LNX1: variants seen among roughly 807,000 people sequenced by gnomAD.
The protein encoded by LNX1 is ligand of numb-protein X 1.
A neutral mutation model predicts 68.4 loss-of-function variants in LNX1; 54 were observed. That is an observed-to-expected ratio of 0.79 (90% confidence interval 0.63 to 0.99). The LOEUF is 0.99. Among genes scored for constraint, LNX1 ranks in the 50% least tolerant of loss-of-function variants. The probability of loss-of-function intolerance (pLI) is 0.00; values close to 1 mark genes in which losing one functional copy is unlikely to be tolerated. For synonymous variants in LNX1, 336 were observed against 350.0 expected (o/e 0.96, Z 0.45); for missense variants, 906 against 926.4 (o/e 0.98, Z 0.29).
chr4:53,574,090 TA>T lies in LNX1; in HGVS notation c.-86-3del. On this transcript the variant is annotated splice_polypyrimidine_tract_variant and splice_region_variant and intron_variant, in intron 1 of 10. Transcript: ENST00000263925. ...AAGATCTAGGAGACATCCACACACC[TA>T]AAAAAGAACAAGAAGGCTCACCTTT... 1.3e-6 allele frequency: 2 copies of T among 1,496,136 alleles called. No homozygotes were observed. The highest frequency in any genetic ancestry group is 1.4e-5 in the African/African-American group (1 of 71,608). 92.7% of individuals were successfully genotyped at this position (1,496,136 alleles called of 1,614,324 possible).
chr4:53,529,130 CACACAA>C (rs1199153832), intron 2 of LNX1, among the ~76,000 whole-genome samples: 6 of 151,806 alleles, frequency 4.0e-5, no homozygotes, highest in Non-Finnish European at 2.9e-5. Flanking sequence ...CACACACACA[CACACAA>C]ACACATGCAC....
At chr4:53,550,599 G>A (rs1202152005) in intron 2 of LNX1, among the ~76,000 whole-genome samples, 2 of 152,202 alleles carry the variant, frequency 1.3e-5, no homozygotes, top group Non-Finnish European at 2.9e-5. Context: ...AAAATGAAGT[G>A]GGGAGGAAAT....
At position 53,598,501 on chromosome 4, in the gene LNX1, A is replaced by G. The variant is rs190459315; in HGVS notation, c.-214-6986T>C. On this transcript the variant is annotated intron_variant, in intron 2 of 3. Coordinates refer to the LNX1 transcript ENST00000504299. ...TCCTGCCTTGGCCTCCCAAAATGGTAGGACTAGAGGTGTGAGCCACTGCAC... is the reference window on the plus strand; with the variant it reads ...TCCTGCCTTGGCCTCCCAAAATGGTGGGACTAGAGGTGTGAGCCACTGCAC... Among the ~76,000 whole-genome samples the G allele has an allele frequency of 1.5e-3, 235 of 152,256 alleles. 1 individual carries two copies. Among genetic ancestry groups the G allele is most frequent in the African/African-American group, 5.4e-3 (226 of 41,534 alleles).
chr4:53,625,128 G>A (rs1403501239), intron 1 of LNX1, among the ~76,000 whole-genome samples: 3 of 152,102 alleles, frequency 2.0e-5, no homozygotes, highest in African/African-American at 7.2e-5. Context: ...AAACTCTTGG[G>A]AAAAAACATA....
At chr4:53,473,098 AAAAG>A (rs1723345198) in intron 9 of LNX1, among the ~76,000 whole-genome samples, 1 of 152,172 alleles carries the variant, frequency 6.6e-6, no homozygotes, top group Admixed American at 6.5e-5. Context: ...AAAAGAAAAG[AAAAG>A]AAAAGAAAAT....
chr4:53,531,559 G>T (rs866188197), intron 2 of LNX1, among the ~76,000 whole-genome samples: 1 of 152,190 alleles, frequency 6.6e-6, no homozygotes, highest in Non-Finnish European at 1.5e-5. Flanking sequence ...TGGTATAAAT[G>T]ATTTTAGCTT....
upstream of LNX1, among the ~76,000 whole-genome samples, chr4:53,621,926 T>C (rs1233361386): frequency 1.3e-5 from 2 of 151,938 alleles, no homozygotes; most frequent in Non-Finnish European, 2.9e-5. Flanking sequence ...TAGGCAATCC[T>C]GTAGGTCTCC....
Position 53,461,044 on chromosome 4 carries a change from TAAAA to T in LNX1, c.2052-6_2052-3del. 1 of 1,172,714 alleles carries T rather than the reference TAAAA, an allele frequency of 8.5e-7. No individual in the cohort carries two copies. The highest frequency in any genetic ancestry group is 1.2e-6 in the Non-Finnish European group (1 of 852,558). The allele number at this position is 1,172,714 out of a possible 1,614,324, so 72.6% of individuals were successfully genotyped here. On this transcript the variant is annotated splice_polypyrimidine_tract_variant and splice_region_variant and intron_variant, in intron 10 of 10. Coordinates refer to ENST00000263925, the MANE Select transcript of LNX1 (RefSeq NM_001126328.3). ...ACAGCAAGAAGAATATCACCACATC[TAAAA>T]AAAAAAACAAAACAAGATATGATTA...
At chr4:53,506,832 C>G (rs1300767299) in intron 4 of LNX1, among the ~76,000 whole-genome samples, 1 of 85,758 alleles carries the variant, frequency 1.2e-5, no homozygotes, top group Admixed American at 1.7e-4. Context: ...GCACTCCAGC[C>G]TGGGCGACAA....
chr4:53,574,325 A>T (rs1223297303), intron 1 of LNX1, among the ~76,000 whole-genome samples: 2 of 152,200 alleles, frequency 1.3e-5, no homozygotes, highest in Non-Finnish European at 2.9e-5. Context: ...ACATCCTCAC[A>T]TTGGTGTGGT....
At chr4:53,605,649 TA>T (rs1311052744) in intron 2 of LNX1, among the ~76,000 whole-genome samples, 1 of 152,206 alleles carries the variant, frequency 6.6e-6, no homozygotes, top group South Asian at 2.1e-4. Context: ...ATGTTTTTTT[TA>T]AAATTCCATA....
At chr4:53,557,205 G>A (rs1364716302) in intron 2 of LNX1, among the ~76,000 whole-genome samples, 2 of 152,164 alleles carry the variant, frequency 1.3e-5, no homozygotes, top group Non-Finnish European at 2.9e-5. Flanking sequence ...ATTTTTCAGA[G>A]ATGCACAATG....
At chr4:53,498,070 C>T (rs567579437) in intron 5 of LNX1, among the ~76,000 whole-genome samples, 2 of 152,070 alleles carry the variant, frequency 1.3e-5, no homozygotes, top group South Asian at 4.2e-4. Context: ...CAGTAACACC[C>T]AAAGCATTCT....
chr4:53,538,513 C>T (rs1728534831), intron 2 of LNX1, among the ~76,000 whole-genome samples: 1 of 152,150 alleles, frequency 6.6e-6, no homozygotes, highest in South Asian at 2.1e-4. Flanking sequence ...GTTGAAAAAC[C>T]ACTCCATTAC....
At chr4:53,570,659 TATA>T (rs750794130) in intron 2 of LNX1, among the ~76,000 whole-genome samples, 1,688 of 131,676 alleles carry the variant, frequency 0.013, 30 homozygotes, top group African/African-American at 0.045. Flanking sequence ...AAACTTAAAG[TATA>T]ATAATAAATA....
At chr4:53,532,861 AG>A (rs1469315724) in intron 2 of LNX1, among the ~76,000 whole-genome samples, 1 of 152,164 alleles carries the variant, frequency 6.6e-6, no homozygotes, top group Admixed American at 6.5e-5. Context: ...GGAACACTGC[AG>A]GCTGCCCAGG....
chr4:53,631,677 G>A (rs186479896), intron 1 of LNX1, among the ~76,000 whole-genome samples: 1 of 151,894 alleles, frequency 6.6e-6, no homozygotes, highest in East Asian at 1.9e-4. Flanking sequence ...AATTTCCAGG[G>A]TATGAGACCC....
At chr4:53,551,759 C>T (rs1478207302) in intron 2 of LNX1, among the ~76,000 whole-genome samples, 2 of 152,132 alleles carry the variant, frequency 1.3e-5, no homozygotes, top group African/African-American at 4.8e-5. Flanking sequence ...CCTTTTGTTC[C>T]TGCTCTAAAG....
chr4:53,516,920 TG>T (rs1158124097), intron 2 of LNX1, among the ~76,000 whole-genome samples: 1 of 151,502 alleles, frequency 6.6e-6, no homozygotes, highest in Admixed American at 6.6e-5. Context: ...GTCAGCTCCT[TG>T]CAGAGACTCC....
Sources: allele counts gnomAD v4.1 joint callset (sites outside exome capture counted in the v4.1 genomes callset), GRCh38; gene constraint gnomAD v4.1.1; transcripts MANE v1.5; gene names NCBI Gene and HGNC (gene_info 2026-07-23, HGNC 2026-07-21).